The following MAP2K5 variants were observed in gnomAD, a reference collection of about 807,000 sequenced individuals.
MAP2K5 encodes dual specificity mitogen-activated protein kinase kinase 5.
Under a neutral mutation model 83.1 loss-of-function variants are expected in MAP2K5, and 49 were observed. That is an observed-to-expected ratio of 0.59 (90% confidence interval 0.47 to 0.75). The LOEUF (loss-of-function observed/expected upper bound fraction) is 0.75, where lower values mean the gene tolerates loss of function less well. Among genes scored for constraint, MAP2K5 ranks in the 30% least tolerant of loss-of-function variants. MAP2K5 has a pLI of 0.00. For synonymous variants in MAP2K5, 202 were observed against 191.8 expected (o/e 1.05, Z -0.44); for missense variants, 457 against 557.5 (o/e 0.82, Z 1.82).
chr15:67,593,875 A>G (rs993789836), intron 7 of MAP2K5, among the ~76,000 whole-genome samples: 1 of 152,232 alleles, frequency 6.6e-6, no homozygotes, highest in Non-Finnish European at 1.5e-5. Context: ...TCCAAGCCTC[A>G]CTGGCATTTC....
Position 67,698,006 on chromosome 15 carries a change from A to G in MAP2K5, c.972+4438A>G, listed in dbSNP as rs2088309716. 6.6e-6 allele frequency among the ~76,000 whole-genome samples: 1 copy of G among 152,170 alleles called. No individual in the cohort carries two copies. Among genetic ancestry groups the G allele is most frequent in the African/African-American group, 2.4e-5 (1 of 41,436 alleles). On this transcript the variant is annotated intron_variant, in intron 15 of 21. Coordinates refer to ENST00000178640, the MANE Select transcript of MAP2K5 (RefSeq NM_145160.3). The surrounding 1 kb of genome is among the most constrained non-coding windows in gnomAD (Gnocchi z 4.5). ...CAGTGAGGAGACTGAGACCTGGAAAAGTGAAGTGTCATGCTCAAGGAAATA... is the reference window on the plus strand; with the variant it reads ...CAGTGAGGAGACTGAGACCTGGAAAGGTGAAGTGTCATGCTCAAGGAAATA...
intron 21 of MAP2K5, among the ~76,000 whole-genome samples, chr15:67,800,717 C>A (rs763777329): frequency 6.6e-6 from 1 of 152,180 alleles, no homozygotes; most frequent in Non-Finnish European, 1.5e-5. Context: ...TATCCCCCAC[C>A]CCGATGTACG....
intron 21 of MAP2K5, among the ~76,000 whole-genome samples, chr15:67,804,718 C>G (rs552217489): frequency 6.6e-6 from 1 of 152,278 alleles, no homozygotes; most frequent in African/African-American, 2.4e-5. Context: ...TTACCCCGGG[C>G]GTGGGGGGAG....
chr15:67,660,579 A>G (rs185859101), intron 12 of MAP2K5, among the ~76,000 whole-genome samples: 4 of 152,252 alleles, frequency 2.6e-5, no homozygotes, highest in African/African-American at 9.6e-5. Context: ...GCCATTGCCA[A>G]GTCAAAAGCA....
rs758428118 is a variant in MAP2K5 at position 67,786,585 on chromosome 15, A to C, written c.1242+13833A>C. Among the ~76,000 whole-genome samples the C allele has an allele frequency of 8.5e-5, 13 of 152,210 alleles. No homozygotes were observed. Among genetic ancestry groups the C allele is most frequent in the Non-Finnish European group, 1.5e-4 (10 of 68,030 alleles). The stretch of plus-strand genomic sequence containing the variant: ...CTTGGGTGGTGCGGGAGCTCGGAAC[A>C]GTGGCCGAGGGGCCGTAGTAGTCAG... On this transcript the variant is annotated intron_variant, in intron 21 of 21. Coordinates refer to ENST00000178640, the MANE Select transcript of MAP2K5 (RefSeq NM_145160.3). The surrounding 1 kb of genome is among the most constrained non-coding windows in gnomAD (Gnocchi z 4.7).
At position 67,602,724 on chromosome 15, in the gene MAP2K5, C is replaced by T. The variant is rs558780094; in HGVS notation, c.545+1975C>T. Among the ~76,000 whole-genome samples the T allele has an allele frequency of 2.1e-4, 32 of 152,324 alleles. No individual in the cohort carries two copies. In the East Asian group the frequency reaches 2.9e-3, roughly 14 times the overall value. ...TTGCCCAGGCTGGAGTGCAGTGGCA[C>T]GATCTCAGCTCAGTGCAACCTCTGC... On this transcript the variant is annotated intron_variant, in intron 8 of 21. Transcript: ENST00000178640.
intron 1 of MAP2K5, 132 bp from the exon 2 acceptor site, chr15:67,549,902 A>G (rs2084473037): frequency 4.5e-6 from 3 of 670,106 alleles, no homozygotes; most frequent in African/African-American, 1.8e-5. Flanking sequence ...TGTGATTATG[A>G]GCTAATGTTT....
chr15:67,590,484 T>TCTC (rs1555529592), intron 6 of MAP2K5, among the ~76,000 whole-genome samples: 7 of 142,958 alleles, frequency 4.9e-5, no homozygotes, highest in Non-Finnish European at 9.1e-5. Context: ...TCTTTGTTTC[T>TCTC]TTTTGAGACA....
At chr15:67,695,996 T>C (rs757139555) in intron 15 of MAP2K5, among the ~76,000 whole-genome samples, 8 of 152,030 alleles carry the variant, frequency 5.3e-5, no homozygotes, top group Non-Finnish European at 1.0e-4. Flanking sequence ...GAGGCTCTTA[T>C]TGGCCAAGTG....
At chr15:67,693,892 G>A (rs965364486) in intron 15 of MAP2K5, among the ~76,000 whole-genome samples, 1 of 151,432 alleles carries the variant, frequency 6.6e-6, no homozygotes. Flanking sequence ...TAACCCTCAA[G>A]TATCCCCAAA....
At chr15:67,547,455 CTTTTTT>C (rs398057779) in intron 1 of MAP2K5, among the ~76,000 whole-genome samples, 1 of 128,760 alleles carries the variant, frequency 7.8e-6, no homozygotes, top group African/African-American at 2.9e-5. Flanking sequence ...TTTCTTTTTT[CTTTTTT>C]TTTTTTTTTT....
chr15:67,709,704 G>C (rs2088642712), intron 16 of MAP2K5, among the ~76,000 whole-genome samples: 1 of 152,070 alleles, frequency 6.6e-6, no homozygotes, highest in South Asian at 2.1e-4. Flanking sequence ...TTATATTCTT[G>C]TGTCATTTGA....
At chr15:67,589,920 A>G (rs921446446) in intron 6 of MAP2K5, among the ~76,000 whole-genome samples, 1 of 152,180 alleles carries the variant, frequency 6.6e-6, no homozygotes, top group African/African-American at 2.4e-5. Context: ...TATAGTTATT[A>G]TAAGGATTAA....
At chr15:67,693,453 A>G in intron 14 of MAP2K5, 65 bp from the exon 15 acceptor site, 1 of 1,254,054 alleles carries the variant, frequency 8.0e-7, no homozygotes, top group Non-Finnish European at 1.2e-6. Flanking sequence ...TTAAATGAGG[A>G]ATAATTGCCC....
At chr15:67,661,447 G>A (rs1669539062) in intron 12 of MAP2K5, among the ~76,000 whole-genome samples, 1 of 152,092 alleles carries the variant, frequency 6.6e-6, no homozygotes, top group African/African-American at 2.4e-5. Flanking sequence ...TTAGTGTCAA[G>A]GCTTTGTCAA....
At chr15:67,667,272 A>G (rs1429182833) in intron 13 of MAP2K5, among the ~76,000 whole-genome samples, 1 of 152,258 alleles carries the variant, frequency 6.6e-6, no homozygotes, top group Non-Finnish European at 1.5e-5. Context: ...TTTTTAGATC[A>G]GTTCAATCAG....
intron 11 of MAP2K5, among the ~76,000 whole-genome samples, chr15:67,647,659 GC>G (rs1436711205): frequency 2.6e-5 from 4 of 151,854 alleles, no homozygotes; most frequent in African/African-American, 9.7e-5. Flanking sequence ...GCCGAGGCAA[GC>G]GGAGTTTGAG....
chr15:67,630,924 A>G lies in MAP2K5; in HGVS notation c.582A>G (p.Val194=). The G allele has an allele frequency of 2.5e-6, 4 of 1,606,606 alleles. No homozygotes were observed. Among genetic ancestry groups the G allele is most frequent in the Non-Finnish European group, 3.4e-6 (4 of 1,174,666 alleles). The change falls in exon 9 of 22, where the codon GTA becomes GTG. Residue 194 remains valine (V), a synonymous_variant. Coordinates refer to ENST00000178640, the MANE Select transcript of MAP2K5 (RefSeq NM_145160.3). ...TCCCGAGTGGGAAAATATTAGCTGT[A>G]AAGGTAAGTACTGGATACATTTTAT... ...YHVPSGKILA[V]KVILLDITLE... is the part of the protein sequence containing the mutation.
rs2084815273 is a variant in MAP2K5 at position 67,565,300 on chromosome 15, G to C, written c.252+1950G>C. The stretch of plus-strand genomic sequence containing the variant: ...GCTGGAGTGCAGTGGTGCCATCTTG[G>C]CTCACTGCAACCTCTGTCTCCCGGG... On this transcript the variant is annotated intron_variant, in intron 3 of 21. Transcript: ENST00000178640. This position sits in a 1 kb window ranked among gnomAD's most constrained non-coding sequence, Gnocchi z 4.1. Among the ~76,000 whole-genome samples the C allele has an allele frequency of 6.6e-6, 1 of 151,954 alleles. No individual in the cohort carries two copies. Among genetic ancestry groups the C allele is most frequent in the African/African-American group, 2.4e-5 (1 of 41,360 alleles).
Sources: gnomAD v4.1 joint callset for allele counts (sites outside exome capture counted in the v4.1 genomes callset) on GRCh38, gnomAD v4.1.1 for gene constraint, Gnocchi (gnomAD v3.1) non-coding constraint, MANE v1.5 for transcripts, NCBI Gene and HGNC (gene_info 2026-07-23, HGNC 2026-07-21) for gene names.